SOX5: variants seen among roughly 807,000 people sequenced by gnomAD.
The protein encoded by SOX5 is transcription factor SOX-5.
SOX5 carries 9 observed loss-of-function variants against 92.0 expected under a neutral mutation model. The ratio of observed to expected loss-of-function variants is 0.10; its 90% CI spans 0.06 to 0.17. SOX5 has a LOEUF of 0.17. SOX5 is among the 10% of genes least tolerant of loss of function. The pLI, the probability that SOX5 is intolerant of heterozygous loss-of-function variation, is 1.00. For missense variants in SOX5, 642 were observed against 944.5 expected (o/e 0.68, Z 4.20); for synonymous variants, 344 against 336.3 (o/e 1.02, Z -0.25).
intron 1 of SOX5, among the ~76,000 whole-genome samples, chr12:24,530,476 C>T (rs536040618): frequency 6.6e-6 from 1 of 152,228 alleles, no homozygotes; most frequent in East Asian, 1.9e-4. Flanking sequence ...CTCCCCTAAA[C>T]CCCATCTCTA....
chr12:24,284,812 A>T (rs1037941237), intron 2 of SOX5, among the ~76,000 whole-genome samples: 1 of 152,166 alleles, frequency 6.6e-6, no homozygotes, highest in Non-Finnish European at 1.5e-5. Context: ...ACAATTTTCC[A>T]ACATTATATA....
At chr12:24,028,067 T>C (rs1205508757) in intron 4 of SOX5, among the ~76,000 whole-genome samples, 2 of 152,030 alleles carry the variant, frequency 1.3e-5, no homozygotes, top group African/African-American at 4.8e-5. Context: ...TAGTATTCTA[T>C]GACTTCTGTG....
At chr12:23,987,063 C>T (rs1950126891) in intron 4 of SOX5, among the ~76,000 whole-genome samples, 1 of 152,188 alleles carries the variant, frequency 6.6e-6, no homozygotes, top group Non-Finnish European at 1.5e-5. Context: ...CTGATTTCAA[C>T]TGCTGATTTA....
rs144518764 is a variant in SOX5, at chr12:24,012,215, A to C, written c.-1-116191T>G. On this transcript the variant is annotated intron_variant, in intron 4 of 4. Coordinates refer to the SOX5 transcript ENST00000446891. Reference sequence around the variant, plus strand: ...CAAGTGGTTGTTTATTTTTACTTTAAGCAACTTCTTTCCATAGTAACACAG... The same window carrying C: ...CAAGTGGTTGTTTATTTTTACTTTACGCAACTTCTTTCCATAGTAACACAG... Among the ~76,000 whole-genome samples, 22 of 152,326 alleles carry C rather than the reference A, an allele frequency of 1.4e-4. 1 individual carries two copies. In the East Asian group the frequency reaches 4.0e-3, roughly 28 times the overall value.
intron 1 of SOX5, among the ~76,000 whole-genome samples, chr12:24,485,038 G>A (rs895852611): frequency 2.0e-5 from 3 of 152,200 alleles, no homozygotes; most frequent in Non-Finnish European, 2.9e-5. Context: ...TACAAGGTTC[G>A]GACAGATGGA....
intron 1 of SOX5, among the ~76,000 whole-genome samples, chr12:24,508,406 G>T (rs1949000752): frequency 6.6e-6 from 1 of 152,184 alleles, no homozygotes; most frequent in African/African-American, 2.4e-5. Context: ...TGAACTTTCT[G>T]ATGGACTGGT....
chr12:24,300,526 C>G (rs1407628504), intron 2 of SOX5, among the ~76,000 whole-genome samples: 1 of 152,186 alleles, frequency 6.6e-6, no homozygotes, highest in African/African-American at 2.4e-5. Flanking sequence ...AGCGGTATAA[C>G]AGACCACTGA....
At chr12:24,114,474 G>A (rs1331052472) in intron 4 of SOX5, among the ~76,000 whole-genome samples, 1 of 147,964 alleles carries the variant, frequency 6.8e-6, no homozygotes, top group Non-Finnish European at 1.5e-5. Context: ...CTTGTTGGAA[G>A]CTGAGGTGGG....
intron 1 of SOX5, among the ~76,000 whole-genome samples, chr12:24,447,155 C>A (rs1233820202): frequency 1.3e-5 from 2 of 152,214 alleles, no homozygotes; most frequent in African/African-American, 4.8e-5. Context: ...AGGGGCTGCT[C>A]TTCCAACGAG....
chr12:24,330,173 A>T (rs1951144842), intron 2 of SOX5, among the ~76,000 whole-genome samples: 1 of 152,232 alleles, frequency 6.6e-6, no homozygotes, highest in African/African-American at 2.4e-5. Flanking sequence ...AGGGATTAAA[A>T]ATAAAAATGC....
chr12:24,249,017 G>C (rs1857333187), intron 3 of SOX5, among the ~76,000 whole-genome samples: 1 of 152,196 alleles, frequency 6.6e-6, no homozygotes, highest in African/African-American at 2.4e-5. Context: ...AAGTGCTAAA[G>C]AATGGCTTGC....
intron 13 of SOX5, among the ~76,000 whole-genome samples, chr12:23,538,842 C>T (rs373080592): frequency 3.8e-3 from 536 of 140,120 alleles, no homozygotes; most frequent in African/African-American, 0.014. Flanking sequence ...GCTCTTTCGC[C>T]CAGGCTGGAA....
intron 10 of SOX5, among the ~76,000 whole-genome samples, chr12:23,574,746 A>G (rs891981601): frequency 6.6e-5 from 10 of 152,118 alleles, no homozygotes; most frequent in African/African-American, 2.4e-4. Flanking sequence ...AAAATATGCT[A>G]TTTCACTTTG....
chr12:23,827,651 T>C (rs1287138231), intron 3 of SOX5, among the ~76,000 whole-genome samples: 2 of 152,156 alleles, frequency 1.3e-5, no homozygotes, highest in Non-Finnish European at 2.9e-5. Context: ...TACCAGACAG[T>C]TGCTTGGCAC....
chr12:23,572,130 A>C (rs2136601362), intron 10 of SOX5, among the ~76,000 whole-genome samples: 1 of 152,292 alleles, frequency 6.6e-6, no homozygotes, highest in South Asian at 2.1e-4. Context: ...ATACACTGTA[A>C]TATTGGTCAC....
At chr12:24,512,734 G>A (rs1049318668) in intron 1 of SOX5, among the ~76,000 whole-genome samples, 2 of 152,152 alleles carry the variant, frequency 1.3e-5, no homozygotes, top group African/African-American at 2.4e-5. Context: ...TAAAATAAAG[G>A]ACTACATAGT....
At chr12:24,053,306 T>C (rs879316335) in intron 4 of SOX5, among the ~76,000 whole-genome samples, 3 of 151,768 alleles carry the variant, frequency 2.0e-5, no homozygotes, top group Non-Finnish European at 4.4e-5. Flanking sequence ...TTTTTTATAC[T>C]GTTAGTAGAG....
chr12:24,026,887 G>C (rs1278749957), intron 4 of SOX5, among the ~76,000 whole-genome samples: 1 of 151,950 alleles, frequency 6.6e-6, no homozygotes, highest in Non-Finnish European at 1.5e-5. Flanking sequence ...ATTTAAGAAA[G>C]ATTTATAAAC....
intron 6 of SOX5, among the ~76,000 whole-genome samples, chr12:23,721,995 T>C (rs1202811254): frequency 1.3e-5 from 2 of 152,170 alleles, no homozygotes; most frequent in Admixed American, 1.3e-4. Flanking sequence ...GTAAATATCA[T>C]TGAGAAATAC....
Sources: gnomAD v4.1 joint callset for allele counts (sites outside exome capture counted in the v4.1 genomes callset) on GRCh38, gnomAD v4.1.1 for gene constraint, MANE v1.5 for transcripts, NCBI Gene and HGNC (gene_info 2026-07-23, HGNC 2026-07-21) for gene names.